MMP16: variants seen among roughly 807,000 people sequenced by gnomAD.
The protein encoded by MMP16 is matrix metalloproteinase-16.
A neutral mutation model predicts 67.8 loss-of-function variants in MMP16; 12 were observed. The observed-to-expected ratio is 0.18, with a 90% CI of 0.11 to 0.29. MMP16 has a LOEUF of 0.29. Ranked by LOEUF, MMP16 falls within the 10% of genes least tolerant of loss-of-function variation. MMP16 has a pLI of 1.00. For synonymous variants in MMP16, 249 were observed against 255.9 expected, an observed-to-expected ratio of 0.97 and a Z score of 0.26; for missense variants, 475 against 765.7, an observed-to-expected ratio of 0.62 and a Z score of 4.48.
intron 2 of MMP16, among the ~76,000 whole-genome samples, chr8:88,194,562 C>T (rs1474599823): frequency 6.6e-6 from 1 of 151,658 alleles, no homozygotes; most frequent in African/African-American, 2.4e-5. Flanking sequence ...TCAATAACAC[C>T]TTAAGAGTAG....
intron 1 of MMP16, among the ~76,000 whole-genome samples, chr8:88,215,444 G>A (rs534118006): frequency 6.6e-6 from 1 of 152,070 alleles, no homozygotes; most frequent in South Asian, 2.1e-4. Context: ...TAACCTCTAT[G>A]GACTGTACTA....
intron 6 of MMP16, among the ~76,000 whole-genome samples, chr8:88,099,006 AT>A (rs1000964152): frequency 2.6e-5 from 4 of 151,636 alleles, no homozygotes; most frequent in Non-Finnish European, 5.9e-5. Flanking sequence ...TGATAAAACC[AT>A]TTTTTTCCTT....
Position 88,186,601 on chromosome 8 carries a change from GCAAAAAA to G in MMP16, c.282-10_282-4del. 1 of 949,372 alleles carries G rather than the reference GCAAAAAA, an allele frequency of 1.1e-6. No homozygotes were observed. Among genetic ancestry groups the G allele is most frequent in the African/African-American group, 3.4e-5 (1 of 29,764 alleles). The allele number at this position is 949,372 out of a possible 1,614,324, so 58.8% of individuals were successfully genotyped here. On this transcript the variant is annotated splice_region_variant and splice_polypyrimidine_tract_variant and intron_variant, in intron 2 of 9. Transcript: ENST00000286614. ...CGCATCGGGGCTTCTTCATCCAGCT[GCAAAAAA>G]AAAAAAAAAAAAAAAAAAGCAGTAT...
At chr8:88,165,671 G>T (rs934285912) in intron 4 of MMP16, among the ~76,000 whole-genome samples, 1 of 152,056 alleles carries the variant, frequency 6.6e-6, no homozygotes, top group Admixed American at 6.6e-5. Context: ...AAACTGGTAT[G>T]CCCCAACTAC....
chr8:88,318,964 A>T (rs1193010349), intron 1 of MMP16, among the ~76,000 whole-genome samples: 1 of 152,170 alleles, frequency 6.6e-6, no homozygotes, highest in South Asian at 2.1e-4. Flanking sequence ...CTGAGACACC[A>T]TGTTATTCCT....
chr8:88,197,754 A>G (rs1809279594), intron 1 of MMP16, among the ~76,000 whole-genome samples: 1 of 152,190 alleles, frequency 6.6e-6, no homozygotes, highest in Admixed American at 6.5e-5. Context: ...GAAATTGACC[A>G]GTGACTCCAG....
At chr8:88,120,175 G>A (rs1463995915) in intron 4 of MMP16, among the ~76,000 whole-genome samples, 2 of 151,654 alleles carry the variant, frequency 1.3e-5, no homozygotes, top group South Asian at 2.1e-4. Flanking sequence ...CATAGTCATA[G>A]GAGGAAGAAA....
chr8:88,062,894 C>CT (rs1382257365), intron 7 of MMP16, among the ~76,000 whole-genome samples: 1 of 152,078 alleles, frequency 6.6e-6, no homozygotes, highest in African/African-American at 2.4e-5. Flanking sequence ...TCATATTTGA[C>CT]TTTTTTTACT....
intron 3 of MMP16, chr8:88,186,221 A>G (rs1336239808): frequency 3.9e-5 from 13 of 333,872 alleles, no homozygotes; most frequent in African/African-American, 6.4e-5. Flanking sequence ...TTCATCTTAA[A>G]GTCCCTCATA....
intron 3 of MMP16, among the ~76,000 whole-genome samples, chr8:88,181,426 C>A (rs1390582069): frequency 2.6e-5 from 4 of 151,758 alleles, no homozygotes. Context: ...AACATAATAC[C>A]ATTTAAATTA....
intron 1 of MMP16, among the ~76,000 whole-genome samples, chr8:88,246,977 G>A (rs1166761913): frequency 2.6e-5 from 4 of 152,098 alleles, no homozygotes; most frequent in Admixed American, 2.6e-4. Flanking sequence ...TAAATGGAAT[G>A]GACAACTCTT....
intron 1 of MMP16, among the ~76,000 whole-genome samples, chr8:88,317,337 A>G (rs1403640533): frequency 1.3e-5 from 2 of 152,220 alleles, no homozygotes; most frequent in Non-Finnish European, 2.9e-5. Flanking sequence ...TACCATGATC[A>G]GTCAGCAGTC....
intron 4 of MMP16, among the ~76,000 whole-genome samples, chr8:88,155,671 C>G (rs542485270): frequency 1.8e-4 from 27 of 152,062 alleles, no homozygotes; most frequent in Non-Finnish European, 3.4e-4. Flanking sequence ...ATCATTTTAT[C>G]TCTTCATACT....
At chr8:88,055,127 A>G (rs1054824506) in intron 8 of MMP16, among the ~76,000 whole-genome samples, 1 of 152,158 alleles carries the variant, frequency 6.6e-6, no homozygotes, top group African/African-American at 2.4e-5. Context: ...CAACTTACAT[A>G]TATTCCATTT....
At chr8:88,297,152 T>C (rs1013406943) in intron 1 of MMP16, among the ~76,000 whole-genome samples, 1 of 152,088 alleles carries the variant, frequency 6.6e-6, no homozygotes, top group Non-Finnish European at 1.5e-5. Context: ...GCTAAATACA[T>C]GTGTCTGACA....
chr8:88,083,280 A>G (rs1808783081), intron 6 of MMP16, among the ~76,000 whole-genome samples: 1 of 152,086 alleles, frequency 6.6e-6, no homozygotes. Context: ...GGCTCAAAAG[A>G]CATAAAAGCC....
intron 1 of MMP16, among the ~76,000 whole-genome samples, chr8:88,273,494 A>G (rs1447860147): frequency 6.6e-6 from 1 of 152,128 alleles, no homozygotes; most frequent in Non-Finnish European, 1.5e-5. Flanking sequence ...GTGATATATC[A>G]TATATCAATT....
rs549917001 is a variant in MMP16 at position 88,319,456 on chromosome 8, G to A, written c.132+7619C>T. ...CTAAGATGCCAACTAGATGAAGCAA[G>A]TAGAGCGTGAGAAAAGGAACTGCAA... On this transcript the variant is annotated intron_variant, in intron 1 of 9. Coordinates refer to ENST00000286614, the MANE Select transcript of MMP16 (RefSeq NM_005941.5). Among the ~76,000 whole-genome samples the A allele has an allele frequency of 2.6e-5, 4 of 152,072 alleles. 1 individual carries two copies. The South Asian group carries it at 8.3e-4, about 32-fold the overall frequency.
chr8:88,274,898 C>T (rs574394361), intron 1 of MMP16, among the ~76,000 whole-genome samples: 23 of 152,064 alleles, frequency 1.5e-4, no homozygotes, highest in Middle Eastern at 6.8e-3. Flanking sequence ...CGATGTATCA[C>T]CAAAGTTTTC....
Sources: gnomAD v4.1 joint callset for allele counts (sites outside exome capture counted in the v4.1 genomes callset) on GRCh38, gnomAD v4.1.1 for gene constraint, MANE v1.5 for transcripts, NCBI Gene and HGNC (gene_info 2026-07-23, HGNC 2026-07-21) for gene names.